DOK6: variants seen among roughly 807,000 people sequenced by gnomAD.
DOK6 encodes the protein downstream of tyrosine kinase 6.
A neutral mutation model predicts 44.0 loss-of-function variants in DOK6; 22 were observed. That is an observed-to-expected ratio of 0.50 (90% CI 0.36 to 0.71). The LOEUF is 0.71. DOK6 is among the 30% of genes least tolerant of loss of function. The pLI is 0.00. For missense variants in DOK6, 340 were observed against 416.4 expected (o/e 0.82, Z 1.60); for synonymous variants, 166 against 145.5 (o/e 1.14, Z -1.01).
At chr18:69,408,248 T>C (rs1021914373) in intron 1 of DOK6, among the ~76,000 whole-genome samples, 2 of 152,304 alleles carry the variant, frequency 1.3e-5, no homozygotes, top group Non-Finnish European at 2.9e-5. Context: ...TTTGGTATCT[T>C]GGTTTAAAGC....
At chr18:69,562,788 A>C (rs549212893) in intron 1 of DOK6, among the ~76,000 whole-genome samples, 2 of 152,340 alleles carry the variant, frequency 1.3e-5, no homozygotes, top group African/African-American at 2.4e-5. Flanking sequence ...ACAAAAGCCA[A>C]AATTGACAAA....
Position 69,841,319 on chromosome 18 carries a change from C to CCCAGCAGCCGTTGTCGCGGT in DOK6, c.941_960dup (p.Tyr321ArgfsTer27), listed in dbSNP as rs778977832. ...TACGCCCCAGAACAGAGTGAAGAGG[C>CCCAGCAGCCGTTGTCGCGGT]CCAGCAGCCGTTGTCGCGGTCCAGC... is the stretch of plus-strand genomic sequence containing the variant. On this transcript the variant is annotated frameshift_variant, in exon 8 of 8. Transcript: ENST00000382713. LOFTEE classifies it high-confidence loss of function. The CCCAGCAGCCGTTGTCGCGGT allele has an allele frequency of 1.9e-6, 3 of 1,614,038 alleles. No individual in the cohort carries two copies. Among genetic ancestry groups the CCCAGCAGCCGTTGTCGCGGT allele is most frequent in the Non-Finnish European group, 2.5e-6 (3 of 1,180,028 alleles).
chr18:69,438,152 GCCTTCCTTTCATGAAAGATTTCTCTGTA>G (rs1979034898), intron 1 of DOK6, among the ~76,000 whole-genome samples: 1 of 152,114 alleles, frequency 6.6e-6, no homozygotes, highest in Admixed American at 6.6e-5. Flanking sequence ...CATATATTAA[GCCTTCCTTTCATGAAAGATTTCTCTGTA>G]GCAAGTGATG....
intron 1 of DOK6, among the ~76,000 whole-genome samples, chr18:69,427,290 C>T (rs1978665864): frequency 6.6e-6 from 1 of 152,052 alleles, no homozygotes; most frequent in Admixed American, 6.6e-5. Context: ...AAAAAACAAA[C>T]TACCACATAA....
rs2089423723 is a variant in DOK6, at chr18:69,843,931, G to A, written c.*2548G>A. The A allele has an allele frequency of 6.6e-6, 1 of 152,088 alleles. No homozygotes were observed. The highest frequency in any genetic ancestry group is 6.5e-5 in the Admixed American group (1 of 15,268). The allele number at this position is 152,088 out of a possible 1,614,324, so 9.4% of individuals were successfully genotyped here. ...GTCAAGACTGCTAAATGAACAGATA[G>A]GAGAACTTATATTAGACTAATATCC... On this transcript the variant is annotated 3_prime_UTR_variant, in exon 8 of 8. Coordinates refer to ENST00000382713, the MANE Select transcript of DOK6 (RefSeq NM_152721.6).
chr18:69,402,007 C>T (rs558657344), intron 1 of DOK6, among the ~76,000 whole-genome samples: 11 of 152,166 alleles, frequency 7.2e-5, no homozygotes, highest in Non-Finnish European at 1.5e-4. Context: ...GTGTAGAACC[C>T]AAGGGTTCAA....
intron 7 of DOK6, among the ~76,000 whole-genome samples, chr18:69,771,256 A>G (rs2144765976): frequency 6.6e-6 from 1 of 152,124 alleles, no homozygotes; most frequent in African/African-American, 2.4e-5. Flanking sequence ...ATAGGTCAAG[A>G]TAAAATTCAT....
chr18:69,492,627 G>T (rs968153247), intron 1 of DOK6, among the ~76,000 whole-genome samples: 1 of 151,978 alleles, frequency 6.6e-6, no homozygotes, highest in East Asian at 1.9e-4. Flanking sequence ...TTGTGTCCAT[G>T]TGTAATCGAT....
intron 7 of DOK6, among the ~76,000 whole-genome samples, chr18:69,824,099 G>C (rs1981660576): frequency 6.6e-6 from 1 of 151,434 alleles, no homozygotes; most frequent in South Asian, 2.1e-4. Flanking sequence ...CAACGTGCAG[G>C]TTAGTTACAT....
rs1186450885 is a variant in DOK6 at position 69,450,919 on chromosome 18, A to G, written c.66+49609A>G. 3.3e-5 allele frequency among the ~76,000 whole-genome samples: 5 copies of G among 150,850 alleles called. No individual in the cohort carries two copies. The South Asian group carries it at 1.1e-3, about 33-fold the overall frequency. ...AGAGCTCCTGAAAGAAGCGCTAAAC[A>G]TGGAAAGGAACAACCGGTACCAGCC... On this transcript the variant is annotated intron_variant, in intron 1 of 7. Transcript: ENST00000382713.
chr18:69,468,749 A>G (rs924232014), intron 1 of DOK6, among the ~76,000 whole-genome samples: 10 of 152,228 alleles, frequency 6.6e-5, no homozygotes, highest in Admixed American at 4.6e-4. Context: ...TCAAACTTAG[A>G]TTAGGTGTGG....
intron 3 of DOK6, among the ~76,000 whole-genome samples, chr18:69,650,700 CT>C (rs1985201483): frequency 6.6e-6 from 1 of 152,146 alleles, no homozygotes; most frequent in African/African-American, 2.4e-5. Context: ...CAATATTGTG[CT>C]TACCTTGAAC....
chr18:69,454,877 T>A (rs1979578648), intron 1 of DOK6, among the ~76,000 whole-genome samples: 1 of 133,616 alleles, frequency 7.5e-6, no homozygotes, highest in Non-Finnish European at 1.6e-5. Flanking sequence ...CATGGACACA[T>A]GAAGGGGAAT....
Position 69,836,487 on chromosome 18 carries a change from TG to T in DOK6, c.857-4756del, listed in dbSNP as rs199751722. On this transcript the variant is annotated intron_variant, in intron 7 of 7. Transcript: ENST00000382713. The stretch of plus-strand genomic sequence containing the variant: ...CTTGAACTATGAGATAAATGTGATA[TG>T]TTTTTTTTTTCCCCAGATTGTCAAC... 3.0e-3 allele frequency among the ~76,000 whole-genome samples: 463 copies of T among 151,874 alleles called. 3 individuals carry two copies. Among genetic ancestry groups the T allele is most frequent in the African/African-American group, 9.9e-3 (408 of 41,228 alleles).
intron 3 of DOK6, among the ~76,000 whole-genome samples, chr18:69,616,477 T>A (rs1984287516): frequency 3.5e-5 from 1 of 28,384 alleles, no homozygotes. Context: ...TAGAACTAAC[T>A]ACTAGATGTG....
At chr18:69,507,483 G>A (rs1288155019) in intron 1 of DOK6, among the ~76,000 whole-genome samples, 1 of 152,132 alleles carries the variant, frequency 6.6e-6, no homozygotes, top group Non-Finnish European at 1.5e-5. Context: ...ATTTTGGAGA[G>A]AATTTACATC....
chr18:69,799,468 G>GA (rs1185204359), intron 7 of DOK6, among the ~76,000 whole-genome samples: 1 of 151,516 alleles, frequency 6.6e-6, no homozygotes, highest in Non-Finnish European at 1.5e-5. Context: ...TCCATTCTCG[G>GA]AAAAAAGTGA....
intron 1 of DOK6, among the ~76,000 whole-genome samples, chr18:69,517,352 A>G (rs1330665447): frequency 6.6e-6 from 1 of 152,192 alleles, no homozygotes; most frequent in Non-Finnish European, 1.5e-5. Flanking sequence ...TTGCTTATGT[A>G]ATTTTTTAGA....
At chr18:69,799,074 TA>T (rs1221908195) in intron 7 of DOK6, among the ~76,000 whole-genome samples, 1 of 152,044 alleles carries the variant, frequency 6.6e-6, no homozygotes, top group Non-Finnish European at 1.5e-5. Context: ...CCCTAGTACA[TA>T]AAAAACTTAC....
Sources: gnomAD v4.1 joint callset for allele counts (sites outside exome capture counted in the v4.1 genomes callset) on GRCh38, gnomAD v4.1.1 for gene constraint, MANE v1.5 for transcripts, NCBI Gene and HGNC (gene_info 2026-07-23, HGNC 2026-07-21) for gene names.